HERC3: variants seen among roughly 807,000 people sequenced by gnomAD.
HERC3 encodes probable E3 ubiquitin-protein ligase HERC3.
In HERC3, 58 loss-of-function variants were observed where a neutral mutation model predicts 129.9. The observed-to-expected ratio is 0.45, with a 90% CI of 0.36 to 0.56. HERC3 has a LOEUF of 0.56. Ranked by LOEUF, HERC3 falls within the 20% of genes least tolerant of loss-of-function variation. The pLI is 0.00. For synonymous variants in HERC3, 430 were observed against 451.0 expected, an observed-to-expected ratio of 0.95 and a Z score of 0.59; for missense variants, 835 against 1,244.2, an observed-to-expected ratio of 0.67 and a Z score of 4.95.
chr4:88,667,004 G>A (rs1172558993), intron 12 of HERC3, among the ~76,000 whole-genome samples: 3 of 152,076 alleles, frequency 2.0e-5, no homozygotes, highest in Non-Finnish European at 4.4e-5. Context: ...AGTTCAATGA[G>A]CCACAAAAAC....
At chr4:88,642,804 A>G (rs1728264402) in intron 3 of HERC3, among the ~76,000 whole-genome samples, 1 of 151,760 alleles carries the variant, frequency 6.6e-6, no homozygotes, top group South Asian at 2.1e-4. Context: ...GTTTTGGGGG[A>G]TTCAAACATT....
intron 21 of HERC3, among the ~76,000 whole-genome samples, chr4:88,684,588 A>G (rs1161877722): frequency 6.6e-6 from 1 of 152,164 alleles, no homozygotes; most frequent in Non-Finnish European, 1.5e-5. Context: ...CTAAAACACC[A>G]AAAGCAAGGG....
At chr4:88,673,407 T>C (rs1395666533) in intron 16 of HERC3, among the ~76,000 whole-genome samples, 3 of 152,286 alleles carry the variant, frequency 2.0e-5, no homozygotes, top group Non-Finnish European at 2.9e-5. Flanking sequence ...ATATTCCCAA[T>C]TTTTCTGTTC....
At chr4:88,670,068 G>A (rs1731453223) in intron 15 of HERC3, 45 bp downstream of exon 15, 5 of 1,604,458 alleles carry the variant, frequency 3.1e-6, no homozygotes, top group Admixed American at 1.7e-5. Context: ...TTAGATGGTA[G>A]GGTAAAATGT....
the HERC3 span, among the ~76,000 whole-genome samples, chr4:88,543,379 G>A: frequency 6.6e-6 from 1 of 152,226 alleles, no homozygotes; most frequent in African/African-American, 2.4e-5. Flanking sequence ...ACTTACAAGG[G>A]ATGTGAAGGA....
intron 16 of HERC3, among the ~76,000 whole-genome samples, chr4:88,673,860 C>T (rs1731870735): frequency 6.6e-6 from 1 of 152,140 alleles, no homozygotes; most frequent in South Asian, 2.1e-4. Flanking sequence ...GACTGAATAT[C>T]GCTCCATCCT....
the HERC3 span, among the ~76,000 whole-genome samples, chr4:88,577,272 TA>T: frequency 6.6e-6 from 1 of 152,176 alleles, no homozygotes; most frequent in Non-Finnish European, 1.5e-5. Context: ...ACAAGTACCC[TA>T]AAGTTCCACA....
At chr4:88,590,354 A>T (rs535845405), upstream of HERC3, among the ~76,000 whole-genome samples, 70 of 151,856 alleles carry the variant, frequency 4.6e-4, no homozygotes, top group African/African-American at 1.2e-3. Context: ...AGGTCAGGAG[A>T]TTGAGACCAT....
the HERC3 span, chr4:88,583,716 C>T: frequency 6.6e-6 from 1 of 152,170 alleles, no homozygotes; most frequent in Non-Finnish European, 1.5e-5. Flanking sequence ...TTTGGCTAAC[C>T]TACATTTGCT....
intron 3 of HERC3, among the ~76,000 whole-genome samples, chr4:88,640,362 G>C (rs1386283269): frequency 3.9e-5 from 6 of 152,136 alleles, no homozygotes. Context: ...AAGAAAATGT[G>C]ATACATATAC....
At chr4:88,697,761 GGAGAA>G (rs766409789) in intron 23 of HERC3, 2 of 1,601,576 alleles carry the variant, frequency 1.2e-6, no homozygotes, top group East Asian at 4.5e-5. Context: ...CCATGTTAGA[GGAGAA>G]GCCGCAGAGG....
intron 2 of HERC3, among the ~76,000 whole-genome samples, chr4:88,599,410 A>T (rs926782199): frequency 2.6e-5 from 4 of 152,044 alleles, no homozygotes; most frequent in African/African-American, 9.7e-5. Flanking sequence ...CCAATTGAAG[A>T]TTCCATTACT....
chr4:88,656,291 A>G (rs1271183548), intron 9 of HERC3: 1 of 457,750 alleles, frequency 2.2e-6, no homozygotes, highest in African/African-American at 2.0e-5. Context: ...AAACAGGGTG[A>G]TTTATGAAGA....
chr4:88,656,368 C>T, intron 9 of HERC3: 1 of 227,110 alleles, frequency 4.4e-6, no homozygotes, highest in Non-Finnish European at 8.8e-6. Flanking sequence ...ATCTGCTTGG[C>T]TTCTGGGGAG....
At chr4:88,618,205 G>T (rs1725132484) in intron 3 of HERC3, among the ~76,000 whole-genome samples, 1 of 152,158 alleles carries the variant, frequency 6.6e-6, no homozygotes, top group Non-Finnish European at 1.5e-5. Flanking sequence ...ATTAAACCAG[G>T]TTAGCCATGA....
At chr4:88,634,660 C>A (rs933402650) in intron 3 of HERC3, among the ~76,000 whole-genome samples, 51 of 151,122 alleles carry the variant, frequency 3.4e-4, no homozygotes, top group African/African-American at 1.2e-3. Flanking sequence ...GTTAAATGGG[C>A]CCTGCTTCCT....
chr4:88,673,385 TA>T (rs959156122), intron 16 of HERC3, among the ~76,000 whole-genome samples: 3 of 151,370 alleles, frequency 2.0e-5, no homozygotes, highest in Non-Finnish European at 3.0e-5. Flanking sequence ...ACTTCGTATT[TA>T]AAAAAAAATG....
At chr4:88,531,183 A>T in the HERC3 span, among the ~76,000 whole-genome samples, 3 of 151,246 alleles carry the variant, frequency 2.0e-5, no homozygotes, top group African/African-American at 7.3e-5. Context: ...AAAATTTTTT[A>T]AATTTTTAAA....
intron 23 of HERC3, among the ~76,000 whole-genome samples, chr4:88,689,271 A>G (rs1266656794): frequency 6.6e-6 from 1 of 151,850 alleles, no homozygotes; most frequent in Non-Finnish European, 1.5e-5. Flanking sequence ...TTGGGAGGCC[A>G]AGGTGGGTGA....
Sources: allele counts gnomAD v4.1 joint callset (sites outside exome capture counted in the v4.1 genomes callset), GRCh38; gene constraint gnomAD v4.1.1; transcripts MANE v1.5; gene names NCBI Gene and HGNC (gene_info 2026-07-23, HGNC 2026-07-21).